Variants in BRPF1 observed in about 807,000 individuals in gnomAD.
BRPF1 encodes the protein bromodomain and PHD finger containing 1, also known as peregrin.
In BRPF1, 15 loss-of-function variants were observed where a neutral mutation model predicts 115.0. That is an observed-to-expected ratio of 0.13 (90% CI 0.09 to 0.20). The LOEUF (loss-of-function observed/expected upper bound fraction) is 0.20, where lower values mean the gene tolerates loss of function less well. Among genes scored for constraint, BRPF1 ranks in the 10% least tolerant of loss-of-function variants. The pLI is 1.00. For missense variants in BRPF1, 1,118 were observed against 1,638.3 expected, an observed-to-expected ratio of 0.68 and a Z score of 5.48; for synonymous variants, 647 against 619.8, an observed-to-expected ratio of 1.04 and a Z score of -0.65.
At position 9,740,954 on chromosome 3, in the gene BRPF1, G is replaced by A. The variant is rs1214458277; in HGVS notation, c.1722+13G>A. 3 of 1,606,204 alleles carry A rather than the reference G, an allele frequency of 1.9e-6. No individual in the cohort carries two copies. The South Asian group carries it at 3.3e-5, about 18-fold the overall frequency. ...TGACCAAGTTGGGGTACTGTGTCCA[G>A]TTCCCTGTGGGCTCTGGGAACTAGC... On this transcript the variant is annotated intron_variant, in intron 4 of 13. Transcript: ENST00000383829.
Position 9,734,843 on chromosome 3 carries a change from T to G in BRPF1, c.599+104T>G. The G allele has an allele frequency of 7.0e-7, 1 of 1,422,932 alleles. No homozygotes were observed. The highest frequency in any genetic ancestry group is 9.6e-7 in the Non-Finnish European group (1 of 1,044,198). 88.1% of individuals were successfully genotyped at this position (1,422,932 alleles called of 1,614,324 possible). On this transcript the variant is annotated intron_variant, in intron 2 of 13. Transcript: ENST00000383829. The surrounding 1 kb of genome is among the most constrained non-coding windows in gnomAD (Gnocchi z 5.7). ...ATAGAAGAGTGACAGGAATAAAGAA[T>G]AGTGAAAGAACACTGATTTTGCCAG...
At chr3:9,742,718 G>A (rs1458248532) in intron 6 of BRPF1, among the ~76,000 whole-genome samples, 1 of 152,136 alleles carries the variant, frequency 6.6e-6, no homozygotes, top group Non-Finnish European at 1.5e-5. Context: ...TTCCAGGAGA[G>A]GAAAAGTAGG....
intron 2 of BRPF1, among the ~76,000 whole-genome samples, chr3:9,736,133 G>A (rs1285398865): frequency 1.3e-5 from 2 of 148,524 alleles, no homozygotes; most frequent in African/African-American, 2.5e-5. Flanking sequence ...TCAGCCTCCC[G>A]AGTAGCTGGG....
Position 9,738,753 on chromosome 3 carries a change from A to C in BRPF1, c.600-246A>C, listed in dbSNP as rs2076982458. ...AGTGGCAGACCTGGGTTCACATCCC[A>C]GCTCCACCACTTTCTCACAAGTGAG... is the stretch of plus-strand genomic sequence containing the variant. On this transcript the variant is annotated intron_variant, in intron 2 of 13. Transcript: ENST00000383829. 2.0e-5 allele frequency among the ~76,000 whole-genome samples: 3 copies of C among 152,250 alleles called. No individual in the cohort carries two copies. The South Asian group carries it at 6.2e-4, about 31-fold the overall frequency.
intron 2 of BRPF1, among the ~76,000 whole-genome samples, chr3:9,738,356 TA>T (rs1248177979): frequency 2.0e-5 from 3 of 152,240 alleles, no homozygotes; most frequent in African/African-American, 7.2e-5. Flanking sequence ...ATGTAATAGT[TA>T]AGCACAATGC....
chr3:9,742,440 T>C (rs1252405098), intron 6 of BRPF1: 4 of 985,300 alleles, frequency 4.1e-6, no homozygotes, highest in African/African-American at 1.7e-5. Flanking sequence ...GAAGACACTT[T>C]CGGGGTGCTG....
chr3:9,744,252 C>A lies in BRPF1; in HGVS notation c.2664C>A (p.Pro888=), dbSNP rs369971509. Residue 888 remains proline (P), a synonymous_variant, in exon 9 of 14, where the codon CCC becomes CCA. Coordinates refer to ENST00000383829, the MANE Select transcript of BRPF1 (RefSeq NM_001003694.2). ...KGLGPNMSST[P]AHEVGRRTSV... ...TGGGTCCCAACATGTCCTCAACCCC[C>A]GCACATGAGGTGGGCAGGAGAACCT... The A allele has an allele frequency of 3.2e-6, 5 of 1,568,892 alleles. No individual in the cohort carries two copies. Among genetic ancestry groups the A allele is most frequent in the Non-Finnish European group, 3.5e-6 (4 of 1,157,652 alleles).
rs766478360 is a variant in BRPF1, at chr3:9,739,845, A to C, written c.1446A>C (p.Lys482Asn). Residue 482 changes from lysine to asparagine, a missense_variant, in exon 3 of 14, where the codon AAA (lysine) becomes AAC (asparagine). Around this residue, in one of 10 missense-constraint regions of BRPF1, gnomAD observed 87 missense variants for 93.4 expected, o/e 0.93. Coordinates refer to ENST00000383829, the MANE Select transcript of BRPF1 (RefSeq NM_001003694.2). Reference sequence around the variant, plus strand: ...AGGGTAAGGGCTGGAGCTCAGAGAAAGTCAAGAAGGCCAAGGCCAAGTCCC... The same window carrying C: ...AGGGTAAGGGCTGGAGCTCAGAGAACGTCAAGAAGGCCAAGGCCAAGTCCC... ...EDEGKGWSSE[K>N]VKKAKAKSRI... is the part of the protein sequence containing the mutation. 6.9e-6 allele frequency: 11 copies of C among 1,595,276 alleles called. No individual in the cohort carries two copies. Among genetic ancestry groups the C allele is most frequent in the Non-Finnish European group, 8.5e-6 (10 of 1,170,874 alleles).
At chr3:9,738,549 T>C (rs1253332738) in intron 2 of BRPF1, among the ~76,000 whole-genome samples, 3 of 152,246 alleles carry the variant, frequency 2.0e-5, no homozygotes, top group Non-Finnish European at 2.9e-5. Flanking sequence ...AAACAACTTA[T>C]ATGTAATTTG....
chr3:9,741,956 C>A, intron 5 of BRPF1, 69 bp from the exon 6 acceptor site: 1 of 1,583,160 alleles, frequency 6.3e-7, no homozygotes, highest in Non-Finnish European at 8.6e-7. Context: ...CCAGCTGGGA[C>A]CATATCCTCA....
chr3:9,742,390 G>A (rs2077046339), intron 6 of BRPF1: 1 of 985,286 alleles, frequency 1.0e-6, no homozygotes, highest in Non-Finnish European at 1.2e-6. Flanking sequence ...CTTCCCCAGA[G>A]GCAGGGACTG....
At position 9,743,965 on chromosome 3, in the gene BRPF1, C is replaced by A; in HGVS notation, c.2635+64C>A. On this transcript the variant is annotated intron_variant, in intron 8 of 13. Coordinates refer to ENST00000383829, the MANE Select transcript of BRPF1 (RefSeq NM_001003694.2). The surrounding 1 kb of genome is among the most constrained non-coding windows in gnomAD (Gnocchi z 6.1). The stretch of plus-strand genomic sequence containing the variant: ...AGACTTTGGCTCTGCAGCACACACT[C>A]AACCCCTGCCATTCCCCAGGCAGAG... 1.3e-6 allele frequency: 2 copies of A among 1,487,212 alleles called. No homozygotes were observed. Among genetic ancestry groups the A allele is most frequent in the Non-Finnish European group, 1.8e-6 (2 of 1,114,228 alleles). The allele number at this position is 1,487,212 out of a possible 1,614,324, so 92.1% of individuals were successfully genotyped here. A position where few individuals can be genotyped will look rare whatever the true frequency, so the allele number is the denominator to read the frequency against.
In BRPF1 at chr3:9,743,704, G is replaced by A. The variant is rs367772453; in HGVS notation, c.2438G>A (p.Arg813Gln). The A allele has an allele frequency of 1.8e-5, 29 of 1,614,058 alleles. No homozygotes were observed. The highest frequency in any genetic ancestry group is 1.1e-4 in the African/African-American group (8 of 74,950). The stretch of plus-strand genomic sequence containing the variant: ...AGCAAGCAGAGTGTGGGCCGCTCAC[G>A]GCGTGCAAAGATGATCAAGAAAGAG... ...NASKQSVGRS[R>Q]RAKMIKKEMT... The change falls in exon 8 of 14, where the codon CGG becomes CAG. Residue 813 changes from arginine (R) to glutamine (Q), a missense_variant. Transcript: ENST00000383829. This position sits in a 1 kb window ranked among gnomAD's most constrained non-coding sequence, Gnocchi z 6.1.
At chr3:9,737,641 C>G (rs1183294194) in intron 2 of BRPF1, among the ~76,000 whole-genome samples, 1 of 152,198 alleles carries the variant, frequency 6.6e-6, no homozygotes, top group African/African-American at 2.4e-5. Context: ...CTGTGTGCCA[C>G]TTGACTTAGC....
At chr3:9,746,992 A>G (rs1209792001) in intron 13 of BRPF1, among the ~76,000 whole-genome samples, 174 bp from the exon 14 acceptor site, 1 of 152,114 alleles carries the variant, frequency 6.6e-6, no homozygotes, top group Non-Finnish European at 1.5e-5. Flanking sequence ...CACACAGTAT[A>G]ACTGTTGACT....
chr3:9,738,935 C>G, intron 2 of BRPF1, 64 bp from the exon 3 acceptor site: 4 of 1,476,108 alleles, frequency 2.7e-6, no homozygotes, highest in East Asian at 2.3e-5. Flanking sequence ...TGGCAAATGA[C>G]CCATCATCTT....
chr3:9,742,820 T>A, intron 6 of BRPF1, 124 bp from the exon 7 acceptor site: 1 of 1,075,690 alleles, frequency 9.3e-7, no homozygotes, highest in Non-Finnish European at 1.3e-6. Flanking sequence ...CTGTGCTATA[T>A]GCCTGCCTCT....
chr3:9,743,400 G>T lies in BRPF1; in HGVS notation c.2311+147G>T. 8.0e-7 allele frequency: 1 copy of T among 1,257,608 alleles called. No homozygotes were observed. Among genetic ancestry groups the T allele is most frequent in the Non-Finnish European group, 1.1e-6 (1 of 918,120 alleles). 77.9% of individuals were successfully genotyped at this position (1,257,608 alleles called of 1,614,324 possible). Reference sequence around the variant, plus strand: ...TATCCCCAGGAATGCTCCCCAAGAAGCCAGACTGGGTGAATGGATAGCAGT... The same window carrying T: ...TATCCCCAGGAATGCTCCCCAAGAATCCAGACTGGGTGAATGGATAGCAGT... On this transcript the variant is annotated intron_variant, in intron 7 of 13. Coordinates refer to ENST00000383829, the MANE Select transcript of BRPF1 (RefSeq NM_001003694.2). This position sits in a 1 kb window ranked among gnomAD's most constrained non-coding sequence, Gnocchi z 6.1.
chr3:9,745,837 A>T lies in BRPF1; in HGVS notation c.3231A>T (p.Gly1077=), dbSNP rs1215766148. ...TGGTAAGGAAGAGTCTGGGCCGGGG[A>T]GCTGGCTGGCTGTCAGAGGATGAGG... is the stretch of plus-strand genomic sequence containing the variant. ...HSMVRKSLGR[G]AGWLSEDEDS... The change falls in exon 12 of 14, where the codon GGA becomes GGT. Residue 1077 remains glycine, a synonymous_variant. Transcript: ENST00000383829. The surrounding 1 kb of genome is among the most constrained non-coding windows in gnomAD (Gnocchi z 5.1). 9 of 1,613,960 alleles carry T rather than the reference A, an allele frequency of 5.6e-6. No homozygotes were observed. The highest frequency in any genetic ancestry group is 1.7e-5 in the Admixed American group (1 of 59,998).
Sources: gnomAD v4.1 joint callset for allele counts (sites outside exome capture counted in the v4.1 genomes callset) on GRCh38, gnomAD v4.1.1 for gene constraint, gnomAD v4.1.1 regional missense constraint, Gnocchi (gnomAD v3.1) non-coding constraint, MANE v1.5 for transcripts, NCBI Gene and HGNC (gene_info 2026-07-23, HGNC 2026-07-21) for gene names.